RS1: variants seen among roughly 807,000 people sequenced by gnomAD.
RS1 encodes retinoschisin.
In RS1, 2 loss-of-function variants were observed where a neutral mutation model predicts 20.8. The ratio of observed to expected loss-of-function variants is 0.10; its 90% confidence interval spans 0.04 to 0.30. The LOEUF is 0.30. Ranked by LOEUF, RS1 falls within the 10% of genes least tolerant of loss-of-function variation. RS1 has a pLI of 1.00. For missense variants in RS1, 151 were observed against 189.8 expected, an observed-to-expected ratio of 0.80 and a Z score of 1.20; for synonymous variants, 70 against 75.8, an observed-to-expected ratio of 0.92 and a Z score of 0.40.
intron 1 of RS1, among the ~76,000 whole-genome samples, chrX:18,665,819 G>A (rs1176654708): frequency 9.6e-6 from 1 of 104,075 alleles, no homozygotes; most frequent in Non-Finnish European, 2.0e-5. Context: ...GAGAGTTGGA[G>A]GCTGCAGTGA....
intron 3 of RS1, chrX:18,650,629 G>T: frequency 8.4e-7 from 1 of 1,193,090 alleles, no homozygotes; most frequent in South Asian, 1.8e-5. Flanking sequence ...GCTCAGCCTG[G>T]GCTGTACCTC....
rs978277274 is a variant in RS1 at position 18,640,218 on chromosome X, T to A, written c.*1786A>T. On this transcript the variant is annotated 3_prime_UTR_variant, in exon 6 of 6. Transcript: ENST00000379984. ...TGAACTCTTATTTGGAAAGCCTTTCTCCCTGCCTCACTGTTTCCTCCTCTC... is the reference window on the plus strand; with the variant it reads ...TGAACTCTTATTTGGAAAGCCTTTCACCCTGCCTCACTGTTTCCTCCTCTC... 1.8e-5 allele frequency: 2 copies of A among 111,589 alleles called. No homozygotes were observed. Among genetic ancestry groups the A allele is most frequent in the South Asian group, 7.5e-4 (2 of 2,678 alleles). The allele number at this position is 111,589 out of a possible 1,213,427, so 9.2% of individuals were successfully genotyped here. A position where few individuals can be genotyped will look rare whatever the true frequency, so the allele number is the denominator to read the frequency against.
chrX:18,651,348 C>T, intron 3 of RS1, among the ~76,000 whole-genome samples: 1 of 109,065 alleles, frequency 9.2e-6, no homozygotes, highest in Non-Finnish European at 1.9e-5. Context: ...GACAGCATCC[C>T]TTAAGCTTAT....
chrX:18,644,972 C>T (rs1927720564), intron 4 of RS1, among the ~76,000 whole-genome samples: 1 of 112,107 alleles, frequency 8.9e-6, no homozygotes, highest in South Asian at 3.7e-4. Flanking sequence ...GACCACCAGC[C>T]CCTGCCCTCT....
At chrX:18,648,494 G>A (rs573816663) in intron 3 of RS1, among the ~76,000 whole-genome samples, 4 of 110,312 alleles carry the variant, frequency 3.6e-5, no homozygotes, top group Admixed American at 9.6e-5. Context: ...CACCTGCCTC[G>A]GCCTCCCAAG....
chrX:18,667,075 A>G (rs1294374797), intron 1 of RS1, among the ~76,000 whole-genome samples: 1 of 111,601 alleles, frequency 9.0e-6, no homozygotes, highest in Non-Finnish European at 1.9e-5. Context: ...GTTAACGACT[A>G]CATGAACTCC....
intron 4 of RS1, 119 bp from the exon 5 acceptor site, chrX:18,644,744 A>G: frequency 1.5e-6 from 1 of 688,572 alleles, no homozygotes; most frequent in Admixed American, 2.6e-5. Flanking sequence ...AAGCTCGGGC[A>G]GTCTGGGCTG....
chrX:18,646,919 AT>A (rs1279853219), intron 4 of RS1, among the ~76,000 whole-genome samples: 2 of 109,524 alleles, frequency 1.8e-5, no homozygotes, highest in South Asian at 8.0e-4. Flanking sequence ...AGAGGCCTAT[AT>A]TTTTTTTCAT....
chrX:18,669,881 C>T (rs1467259281), intron 1 of RS1, among the ~76,000 whole-genome samples: 1 of 112,180 alleles, frequency 8.9e-6, no homozygotes, highest in Admixed American at 9.5e-5. Context: ...TAAAGGCCTG[C>T]GTTAAGCAAG....
chrX:18,642,195 G>A (rs779726213), intron 5 of RS1, 39 bp from the exon 6 acceptor site: 1 of 1,173,445 alleles, frequency 8.5e-7, no homozygotes, highest in Non-Finnish European at 1.2e-6. Context: ...ATCACATCGG[G>A]GAGGGAAAAG....
intron 1 of RS1, among the ~76,000 whole-genome samples, chrX:18,671,569 C>T (rs1417346371): frequency 9.0e-6 from 1 of 111,273 alleles, no homozygotes; most frequent in Non-Finnish European, 1.9e-5. Context: ...CTAGGTTGAC[C>T]TTACACCCCA....
At chrX:18,642,962 T>C (rs1374633939) in intron 5 of RS1, among the ~76,000 whole-genome samples, 5 of 111,039 alleles carry the variant, frequency 4.5e-5, no homozygotes, top group Non-Finnish European at 9.4e-5. Flanking sequence ...GGAGAATTAC[T>C]TGAACCCGGG....
chrX:18,646,354 A>G (rs1927772680), intron 4 of RS1, among the ~76,000 whole-genome samples: 1 of 111,691 alleles, frequency 9.0e-6, no homozygotes, highest in Non-Finnish European at 1.9e-5. Flanking sequence ...AGGTTTCACC[A>G]TGTTGGCTAA....
rs3788810 is a variant in RS1, at chrX:18,651,647, G to T, written c.185-4315C>A. ...GGCCAGCCTGCCCTCGCAAGCTCGT[G>T]GGGGGTTCATGTAGTCTAAATAGGG... On this transcript the variant is annotated intron_variant, in intron 3 of 5. Transcript: ENST00000379984. Among the ~76,000 whole-genome samples, 874 of 111,362 alleles carry T rather than the reference G, an allele frequency of 7.8e-3. 16 individuals are homozygous for T. The East Asian group carries it at 0.09, about 11-fold the overall frequency.
Position 18,649,252 on chromosome X carries a change from T to C in RS1, c.185-1920A>G, listed in dbSNP as rs762730053. Among the ~76,000 whole-genome samples the C allele has an allele frequency of 5.4e-5, 6 of 111,059 alleles. No homozygotes were observed. The East Asian group carries it at 1.7e-3, about 32-fold the overall frequency. ...GGCAAATATATTTTCCTTTTTTGGT[T>C]AGAGACCTGGTCTCGCTGTGTCGCA... On this transcript the variant is annotated intron_variant, in intron 3 of 5. Coordinates refer to ENST00000379984, the MANE Select transcript of RS1 (RefSeq NM_000330.4).
intron 1 of RS1, among the ~76,000 whole-genome samples, chrX:18,670,226 T>TTC (rs1434398909): frequency 1.0e-5 from 1 of 95,809 alleles, no homozygotes; most frequent in East Asian, 3.3e-4. Flanking sequence ...TCAAGTCCTT[T>TTC]TTTTTTTTTT....
chrX:18,647,542 C>CA (rs1313030071), intron 3 of RS1: 24 of 432,056 alleles, frequency 5.6e-5, no homozygotes, highest in Non-Finnish European at 8.1e-5. Context: ...AAGGAATTGC[C>CA]ATAGAGACTC....
chrX:18,662,333 A>G (rs1446922347), intron 1 of RS1, among the ~76,000 whole-genome samples: 1 of 112,166 alleles, frequency 8.9e-6, no homozygotes, highest in Non-Finnish European at 1.9e-5. Flanking sequence ...TTTAAGTTCT[A>G]GGGTACATGT....
intron 3 of RS1, among the ~76,000 whole-genome samples, chrX:18,652,549 A>G (rs776020658): frequency 1.6e-4 from 18 of 111,423 alleles, no homozygotes; most frequent in Non-Finnish European, 2.6e-4. Flanking sequence ...GGCACCTGTA[A>G]TCCCAGCTAC....
Sources: allele counts gnomAD v4.1 joint callset (sites outside exome capture counted in the v4.1 genomes callset), GRCh38; gene constraint gnomAD v4.1.1; transcripts MANE v1.5; gene names NCBI Gene and HGNC (gene_info 2026-07-23, HGNC 2026-07-21).